ROBO2: variants seen among roughly 807,000 people sequenced by gnomAD.
ROBO2 encodes roundabout guidance receptor 2.
A neutral mutation model predicts 160.8 loss-of-function variants in ROBO2; 53 were observed. That is an observed-to-expected ratio of 0.33 (90% CI 0.26 to 0.41). The LOEUF is 0.41. ROBO2 is among the 10% of genes least tolerant of loss of function. ROBO2 has a pLI of 1.00. For synonymous variants in ROBO2, 664 were observed against 611.7 expected (o/e 1.09, Z -1.26); for missense variants, 1,577 against 1,722.4 (o/e 0.92, Z 1.49).
At chr3:76,334,201 A>G (rs980024659) in intron 2 of ROBO2, among the ~76,000 whole-genome samples, 3 of 152,178 alleles carry the variant, frequency 2.0e-5, no homozygotes, top group Non-Finnish European at 4.4e-5. Context: ...TATCATCATT[A>G]TTATCATTGC....
At chr3:76,257,290 G>A (rs1035908415) in intron 2 of ROBO2, among the ~76,000 whole-genome samples, 1 of 146,752 alleles carries the variant, frequency 6.8e-6, no homozygotes, top group Non-Finnish European at 1.5e-5. Flanking sequence ...GTGCACACAC[G>A]TGCATATGTG....
chr3:76,396,936 C>G (rs1443919093), intron 2 of ROBO2, among the ~76,000 whole-genome samples: 2 of 152,162 alleles, frequency 1.3e-5, no homozygotes, highest in Non-Finnish European at 2.9e-5. Context: ...CCCCATCAAG[C>G]TACCAATGAC....
chr3:77,040,503 A>G (rs1256499454), exon 1 of ROBO2: 3 of 1,323,072 alleles, frequency 2.3e-6, no homozygotes, highest in African/African-American at 3.0e-5. Context: ...CACTCGAATA[A>G]TCCCTCTGGC....
At chr3:77,125,016 C>T (rs1344535722) in intron 2 of ROBO2, among the ~76,000 whole-genome samples, 1 of 151,824 alleles carries the variant, frequency 6.6e-6, no homozygotes. Flanking sequence ...ATGATTATAT[C>T]CTCATATTCC....
chr3:77,546,919 A>G (rs997181135), intron 7 of ROBO2, among the ~76,000 whole-genome samples: 1 of 152,110 alleles, frequency 6.6e-6, no homozygotes. Flanking sequence ...AGCATAAATG[A>G]CTTTTCTTAC....
chr3:76,678,967 A>T (rs1422153531), intron 2 of ROBO2, among the ~76,000 whole-genome samples: 1 of 152,188 alleles, frequency 6.6e-6, no homozygotes, highest in Non-Finnish European at 1.5e-5. Context: ...TGTCATATTT[A>T]GGCTAGCTCT....
chr3:76,928,103 C>G (rs2077095921), intron 2 of ROBO2, among the ~76,000 whole-genome samples: 1 of 152,008 alleles, frequency 6.6e-6, no homozygotes, highest in Admixed American at 6.6e-5. Flanking sequence ...TGCTTATCAA[C>G]TGACTTTAAA....
chr3:77,509,448 A>G (rs1400087916), intron 5 of ROBO2, among the ~76,000 whole-genome samples: 1 of 152,054 alleles, frequency 6.6e-6, no homozygotes, highest in African/African-American at 2.4e-5. Context: ...TTTAACTTAT[A>G]TCTACCTCGA....
intron 2 of ROBO2, among the ~76,000 whole-genome samples, chr3:76,218,416 A>C (rs142604106): frequency 0.03 from 4,534 of 152,262 alleles, 162 homozygotes; most frequent in African/African-American, 0.082. Flanking sequence ...AGAAAACCCC[A>C]TTGTCTCAGC....
intron 2 of ROBO2, among the ~76,000 whole-genome samples, chr3:77,284,191 T>C (rs956150790): frequency 6.6e-6 from 1 of 152,178 alleles, no homozygotes; most frequent in Admixed American, 6.5e-5. Flanking sequence ...ACAATAGAGC[T>C]GAGTAGTCAC....
chr3:77,154,546 G>C (rs576480059), intron 2 of ROBO2, among the ~76,000 whole-genome samples: 16 of 151,870 alleles, frequency 1.1e-4, no homozygotes, highest in Non-Finnish European at 8.8e-5. Flanking sequence ...AAAACAAATC[G>C]TCCAACCAAA....
rs117894153 is a variant in ROBO2 at position 77,415,150 on chromosome 3, A to G, written c.389-62264A>G. ...AGTGTCAGTTGTTTGTAAGTGCAGA[A>G]ATAGGGAAATAAACAGTGTTACAGG... is the stretch of plus-strand genomic sequence containing the variant. On this transcript the variant is annotated intron_variant, in intron 2 of 25. Transcript: ENST00000461745. 3.1e-3 allele frequency among the ~76,000 whole-genome samples: 467 copies of G among 152,334 alleles called. 10 individuals carry two copies. In the East Asian group the frequency reaches 0.074, roughly 24 times the overall value.
At chr3:76,519,409 T>TA (rs1395118262) in intron 2 of ROBO2, among the ~76,000 whole-genome samples, 2 of 152,160 alleles carry the variant, frequency 1.3e-5, no homozygotes, top group Non-Finnish European at 2.9e-5. Context: ...TGCACAGGTA[T>TA]AAAAAATGTA....
intron 20 of ROBO2, chr3:77,603,154 A>G (rs2094464984): frequency 2.3e-6 from 1 of 438,696 alleles, no homozygotes; most frequent in Non-Finnish European, 4.6e-6. Flanking sequence ...ATCACAGCTC[A>G]CTGTCAGGCA....
chr3:76,464,284 G>T (rs1231869373), intron 2 of ROBO2, among the ~76,000 whole-genome samples: 1 of 152,150 alleles, frequency 6.6e-6, no homozygotes, highest in Non-Finnish European at 1.5e-5. Context: ...AGACTGAGAA[G>T]CACTGGAAAG....
intron 2 of ROBO2, among the ~76,000 whole-genome samples, chr3:77,366,247 C>G (rs1402528261): frequency 6.6e-6 from 1 of 152,128 alleles, no homozygotes; most frequent in African/African-American, 2.4e-5. Context: ...GGTGCATCTT[C>G]TCTGCTACAG....
At chr3:76,607,091 A>G (rs553545412) in intron 2 of ROBO2, among the ~76,000 whole-genome samples, 2 of 152,320 alleles carry the variant, frequency 1.3e-5, no homozygotes, top group South Asian at 4.1e-4. Flanking sequence ...TGCCCAGCCT[A>G]GAGCGCCGTG....
chr3:76,048,383 T>C lies in ROBO2; in HGVS notation c.109+110781T>C, dbSNP rs546574953. ...TGAAAATTGTGAATTTTTCCTGCAG[T>C]GACAGGAAGACACACATCATGATTG... On this transcript the variant is annotated intron_variant, in intron 2 of 26. Transcript: ENST00000487694. Among the ~76,000 whole-genome samples, 86 of 152,314 alleles carry C rather than the reference T, an allele frequency of 5.6e-4. 1 individual carries two copies. In the Middle Eastern group the frequency reaches 0.017, roughly 30 times the overall value.
At chr3:75,959,164 C>A (rs1948820569) in intron 2 of ROBO2, among the ~76,000 whole-genome samples, 3 of 151,580 alleles carry the variant, frequency 2.0e-5, no homozygotes, top group African/African-American at 7.3e-5. Context: ...CTTTTTGAAA[C>A]CTAGGTTTTT....
Sources: gnomAD v4.1 joint callset for allele counts (sites outside exome capture counted in the v4.1 genomes callset) on GRCh38, gnomAD v4.1.1 for gene constraint, MANE v1.5 for transcripts, NCBI Gene and HGNC (gene_info 2026-07-23, HGNC 2026-07-21) for gene names.